TMEM135: variants seen among roughly 807,000 people sequenced by gnomAD.
TMEM135 encodes peroxisomal membrane protein 52.
TMEM135 carries 30 observed loss-of-function variants against 60.3 expected under a neutral mutation model. That is an observed-to-expected ratio of 0.50 (90% CI 0.37 to 0.68). The LOEUF is 0.68. Ranked by LOEUF, TMEM135 falls within the 30% of genes least tolerant of loss-of-function variation. The probability of loss-of-function intolerance (pLI) is 0.00; values close to 1 mark genes in which losing one functional copy is unlikely to be tolerated. For missense variants in TMEM135, 468 were observed against 548.8 expected, an observed-to-expected ratio of 0.85 and a Z score of 1.47; for synonymous variants, 190 against 186.7, an observed-to-expected ratio of 1.02 and a Z score of -0.14.
chr11:87,106,264 T>C (rs547286557), intron 4 of TMEM135, among the ~76,000 whole-genome samples: 89 of 152,122 alleles, frequency 5.9e-4, no homozygotes, highest in Admixed American at 4.6e-4. Context: ...CCACAACGCC[T>C]GACTACTTTT....
chr11:87,205,999 A>T (rs1399290763), intron 5 of TMEM135, among the ~76,000 whole-genome samples: 3 of 152,256 alleles, frequency 2.0e-5, no homozygotes, highest in African/African-American at 7.2e-5. Context: ...ATTATAATAA[A>T]TCTTTGTTTT....
At chr11:87,130,130 A>G (rs1937877083) in intron 4 of TMEM135, among the ~76,000 whole-genome samples, 1 of 151,160 alleles carries the variant, frequency 6.6e-6, no homozygotes, top group Admixed American at 6.6e-5. Context: ...TTAAAAAAAA[A>G]AAATTATAAG....
chr11:87,126,973 G>A (rs1937751283), intron 4 of TMEM135, among the ~76,000 whole-genome samples: 1 of 152,108 alleles, frequency 6.6e-6, no homozygotes, highest in Admixed American at 6.6e-5. Context: ...TCCTTTTCAA[G>A]AATACATATA....
intron 4 of TMEM135, among the ~76,000 whole-genome samples, chr11:87,156,874 T>C (rs1938708498): frequency 6.6e-6 from 1 of 152,176 alleles, no homozygotes; most frequent in Non-Finnish European, 1.5e-5. Flanking sequence ...TTTAAACTTG[T>C]CTAAGCAAAC....
intron 6 of TMEM135, among the ~76,000 whole-genome samples, chr11:87,263,536 A>G (rs1204117402): frequency 1.3e-5 from 2 of 152,118 alleles, no homozygotes; most frequent in African/African-American, 2.4e-5. Flanking sequence ...ATTCTTACGT[A>G]TTAAAAGTAA....
chr11:87,194,401 C>T (rs1054040815), intron 5 of TMEM135, among the ~76,000 whole-genome samples: 3 of 152,148 alleles, frequency 2.0e-5, no homozygotes, highest in Non-Finnish European at 2.9e-5. Flanking sequence ...AATCTCAAAT[C>T]GTTTAGTGGG....
chr11:87,285,192 TTAGTAC>T (rs1408438575), intron 6 of TMEM135, among the ~76,000 whole-genome samples: 1 of 152,230 alleles, frequency 6.6e-6, no homozygotes, highest in Non-Finnish European at 1.5e-5. Flanking sequence ...AAATTATAAG[TTAGTAC>T]TAAGGTAAGC....
Position 87,075,791 on chromosome 11 carries a change from G to A in TMEM135, c.362+4176G>A, listed in dbSNP as rs117210208. Among the ~76,000 whole-genome samples the A allele has an allele frequency of 1.5e-3, 231 of 152,270 alleles. No individual in the cohort carries two copies. In the Middle Eastern group the frequency reaches 0.024, roughly 16 times the overall value. The stretch of plus-strand genomic sequence containing the variant: ...GGTTTTTGCTGACGTGTAGAGGTAC[G>A]TACTGCCTTGGTGGTCTTGTATAAG... On this transcript the variant is annotated intron_variant, in intron 3 of 14. Transcript: ENST00000305494.
chr11:87,253,650 T>C (rs1398942747), intron 6 of TMEM135, among the ~76,000 whole-genome samples: 3 of 3,270 alleles, frequency 9.2e-4, no homozygotes, highest in Non-Finnish European at 2.5e-3. Flanking sequence ...TATATATATA[T>C]ATATATATAT....
intron 10 of TMEM135, among the ~76,000 whole-genome samples, chr11:87,311,420 G>A (rs985906305): frequency 2.0e-5 from 3 of 151,930 alleles, no homozygotes; most frequent in Admixed American, 6.6e-5. Context: ...ATTGGTAATT[G>A]CATGTTTATA....
chr11:87,190,813 A>AT (rs772779583), intron 5 of TMEM135, among the ~76,000 whole-genome samples: 3 of 152,176 alleles, frequency 2.0e-5, no homozygotes, highest in East Asian at 3.9e-4. Flanking sequence ...CGATCTTACT[A>AT]TTTTTTTGTC....
chr11:87,212,753 G>A (rs1940402505), intron 5 of TMEM135, among the ~76,000 whole-genome samples: 1 of 151,366 alleles, frequency 6.6e-6, no homozygotes, highest in African/African-American at 2.4e-5. Flanking sequence ...AGCCTGAGAA[G>A]CGGAGGTTGT....
chr11:87,087,701 G>A (rs1197854600), intron 3 of TMEM135, among the ~76,000 whole-genome samples: 1 of 152,042 alleles, frequency 6.6e-6, no homozygotes, highest in African/African-American at 2.4e-5. Context: ...TTTAAAATTG[G>A]CTCTGATGGA....
intron 7 of TMEM135, among the ~76,000 whole-genome samples, chr11:87,298,783 T>C (rs1368181735): frequency 1.1e-4 from 2 of 17,796 alleles, no homozygotes; most frequent in African/African-American, 4.1e-4. Context: ...TGAGACTCTG[T>C]CTCAAAAAAA....
chr11:87,096,368 C>G (rs1463571583), intron 4 of TMEM135: 2 of 158,640 alleles, frequency 1.3e-5, no homozygotes, highest in Non-Finnish European at 2.7e-5. Flanking sequence ...CCCTCCCACC[C>G]AGTTATACCT....
intron 5 of TMEM135, among the ~76,000 whole-genome samples, chr11:87,228,587 G>A (rs918539098): frequency 6.6e-6 from 1 of 152,074 alleles, no homozygotes; most frequent in African/African-American, 2.4e-5. Flanking sequence ...AATAGTGAAG[G>A]CTAGCTAGGT....
chr11:87,259,019 T>A, intron 6 of TMEM135: 1 of 1,521,050 alleles, frequency 6.6e-7, no homozygotes, highest in Non-Finnish European at 9.1e-7. Flanking sequence ...GTGGTCCCAA[T>A]CCACACGGCT....
At chr11:87,281,883 G>A (rs932963534) in intron 6 of TMEM135, among the ~76,000 whole-genome samples, 1 of 152,226 alleles carries the variant, frequency 6.6e-6, no homozygotes, top group Non-Finnish European at 1.5e-5. Flanking sequence ...AAGATTTCAC[G>A]TAGTTGAGCC....
At chr11:87,276,464 T>C (rs1312411174) in intron 6 of TMEM135, among the ~76,000 whole-genome samples, 1 of 151,850 alleles carries the variant, frequency 6.6e-6, no homozygotes, top group Non-Finnish European at 1.5e-5. Flanking sequence ...TCTTAGACTT[T>C]TAGCCAATTT....
Sources: allele counts gnomAD v4.1 joint callset (sites outside exome capture counted in the v4.1 genomes callset), GRCh38; gene constraint gnomAD v4.1.1; transcripts MANE v1.5; gene names NCBI Gene and HGNC (gene_info 2026-07-23, HGNC 2026-07-21).